DEPTOR: variants seen among roughly 807,000 people sequenced by gnomAD.
DEPTOR encodes the protein DEP domain containing MTOR interacting protein, also known as DEP domain-containing mTOR-interacting protein.
Under a neutral mutation model 41.6 loss-of-function variants are expected in DEPTOR, and 41 were observed. That is an observed-to-expected ratio of 0.98 (90% CI 0.77 to 1.28). The LOEUF (loss-of-function observed/expected upper bound fraction) is 1.28. DEPTOR is among the 50% of genes most tolerant of loss of function. The pLI is 0.00. For synonymous variants in DEPTOR, 195 were observed against 192.3 expected (o/e 1.01, Z -0.12); for missense variants, 514 against 527.9 (o/e 0.97, Z 0.26).
chr8:119,918,438 CTTTA>C (rs796881763), intron 1 of DEPTOR, among the ~76,000 whole-genome samples: 8,963 of 83,220 alleles, frequency 0.11, 281 homozygotes, highest in Non-Finnish European at 0.13. Context: ...CATGGACCAC[CTTTA>C]TTTATTTATT....
intron 8 of DEPTOR, among the ~76,000 whole-genome samples, chr8:120,044,520 G>A (rs1813127368): frequency 6.6e-6 from 1 of 152,198 alleles, no homozygotes. Flanking sequence ...CAGCTCCACA[G>A]TCAGTGGTCC....
intron 2 of DEPTOR, among the ~76,000 whole-genome samples, chr8:119,929,450 T>A (rs2129852779): frequency 6.6e-6 from 1 of 152,250 alleles, no homozygotes; most frequent in East Asian, 1.9e-4. Flanking sequence ...ACAGTTGACA[T>A]TTCTCCTTAC....
At chr8:119,913,387 A>G (rs1827769629) in intron 1 of DEPTOR, among the ~76,000 whole-genome samples, 1 of 152,240 alleles carries the variant, frequency 6.6e-6, no homozygotes, top group Non-Finnish European at 1.5e-5. Context: ...AAAGTTGTTC[A>G]TCAGGCATTT....
At chr8:120,024,222 G>A (rs2130147411) in intron 8 of DEPTOR, among the ~76,000 whole-genome samples, 1 of 152,154 alleles carries the variant, frequency 6.6e-6, no homozygotes, top group East Asian at 1.9e-4. Context: ...GGGTGACAGA[G>A]CAAGACTCTG....
chr8:120,002,791 A>AAAAAAAAAATATATATATATATATAT, intron 5 of DEPTOR, among the ~76,000 whole-genome samples, 186 bp from the exon 6 acceptor site: 1 of 60,672 alleles, frequency 1.6e-5, no homozygotes. Context: ...AAAAAAAAAA[A>AAAAAAAAAATATATATATATATATAT]ATATATATAT....
chr8:119,951,072 A>C (rs200128526), intron 3 of DEPTOR, among the ~76,000 whole-genome samples: 3,045 of 141,500 alleles, frequency 0.022, 106 homozygotes, highest in African/African-American at 0.078. Context: ...CACACACACA[A>C]ACACACACAC....
At chr8:119,920,330 G>T (rs1440388223) in intron 1 of DEPTOR, among the ~76,000 whole-genome samples, 1 of 152,168 alleles carries the variant, frequency 6.6e-6, no homozygotes, top group Non-Finnish European at 1.5e-5. Flanking sequence ...TAAATAAGCA[G>T]CTCCCCTTTA....
At chr8:120,003,412 C>A (rs1812386307) in intron 6 of DEPTOR, among the ~76,000 whole-genome samples, 1 of 152,114 alleles carries the variant, frequency 6.6e-6, no homozygotes, top group Non-Finnish European at 1.5e-5. Flanking sequence ...CACATGTTGG[C>A]CACTTATTAG....
chr8:120,022,429 T>A (rs993530032), intron 8 of DEPTOR, among the ~76,000 whole-genome samples: 1 of 152,208 alleles, frequency 6.6e-6, no homozygotes, highest in Non-Finnish European at 1.5e-5. Context: ...GGTACAATCC[T>A]GTGCTTCTCC....
chr8:119,952,391 A>C (rs1828364663), intron 3 of DEPTOR, among the ~76,000 whole-genome samples: 1 of 152,148 alleles, frequency 6.6e-6, no homozygotes, highest in South Asian at 2.1e-4. Context: ...CTGGTCATGA[A>C]GGCCTGGAGT....
chr8:119,894,384 T>TTTTATTTA (rs35523236), intron 1 of DEPTOR, among the ~76,000 whole-genome samples: 3 of 46,414 alleles, frequency 6.5e-5, no homozygotes, highest in Non-Finnish European at 1.3e-4. Context: ...AATAGTTCTT[T>TTTTATTTA]TTTATTTATT....
At chr8:120,028,714 C>T (rs1294769043) in intron 8 of DEPTOR, among the ~76,000 whole-genome samples, 2 of 151,702 alleles carry the variant, frequency 1.3e-5, no homozygotes, top group Non-Finnish European at 2.9e-5. Context: ...CCACCCACCT[C>T]GGCCTCCCAA....
chr8:120,034,791 TCTTTTAAAACC>T (rs955209811), intron 8 of DEPTOR, among the ~76,000 whole-genome samples: 1 of 152,188 alleles, frequency 6.6e-6, no homozygotes, highest in African/African-American at 2.4e-5. Context: ...TAGTACTTAA[TCTTTTAAAACC>T]TTTGTTATGT....
At chr8:120,034,443 C>CTTTTTTTTTTTTTTTTTTTTTTTTTTTTT (rs148465030) in intron 8 of DEPTOR, among the ~76,000 whole-genome samples, 1 of 91,588 alleles carries the variant, frequency 1.1e-5, no homozygotes. Context: ...TTTCCTTTTT[C>CTTTTTTTTTTTTTTTTTTTTTTTTTTTTT]TTTTTTTTTT....
At chr8:119,908,378 CAGGAGTT>C (rs1827694626) in intron 1 of DEPTOR, among the ~76,000 whole-genome samples, 2 of 151,932 alleles carry the variant, frequency 1.3e-5, no homozygotes, top group Admixed American at 1.3e-4. Context: ...GGCTTGAGGC[CAGGAGTT>C]CCAGGCCAGT....
At position 120,022,157 on chromosome 8, in the gene DEPTOR, T is replaced by TAAAAAAAAAAA. The variant is rs34125548; in HGVS notation, c.1101+13035_1101+13045dup. The stretch of plus-strand genomic sequence containing the variant: ...TGGGTGACAGAGCGAGACCCCATCT[T>TAAAAAAAAAAA]AAAAAAAAAAAAAAAAAAAAAGATG... On this transcript the variant is annotated intron_variant, in intron 8 of 8. Coordinates refer to ENST00000286234, the MANE Select transcript of DEPTOR (RefSeq NM_022783.4). 1.4e-3 allele frequency among the ~76,000 whole-genome samples: 129 copies of TAAAAAAAAAAA among 93,706 alleles called. 5 individuals carry two copies. The highest frequency in any genetic ancestry group is 3.1e-3 in the African/African-American group (79 of 25,258). 61.5% of individuals were successfully genotyped at this position (93,706 alleles called of 152,430 possible).
chr8:119,933,210 T>A (rs1258101601), intron 3 of DEPTOR, among the ~76,000 whole-genome samples: 2 of 151,790 alleles, frequency 1.3e-5, no homozygotes, highest in Non-Finnish European at 2.9e-5. Context: ...GTGGCTCAAG[T>A]AATATGTGGT....
chr8:119,977,733 C>T (rs576617498), intron 4 of DEPTOR, among the ~76,000 whole-genome samples: 2 of 152,272 alleles, frequency 1.3e-5, no homozygotes, highest in South Asian at 2.1e-4. Flanking sequence ...CTTAACTTTT[C>T]AGAAAGTATG....
intron 4 of DEPTOR, among the ~76,000 whole-genome samples, chr8:119,999,784 A>G (rs888841422): frequency 2.6e-5 from 4 of 152,204 alleles, no homozygotes; most frequent in Admixed American, 6.5e-5. Flanking sequence ...CATTGTAGAG[A>G]TGGAGAGCAA....
Sources: gnomAD v4.1 joint callset for allele counts (sites outside exome capture counted in the v4.1 genomes callset) on GRCh38, gnomAD v4.1.1 for gene constraint, MANE v1.5 for transcripts, NCBI Gene and HGNC (gene_info 2026-07-23, HGNC 2026-07-21) for gene names.